Variants in STRN observed in about 807,000 individuals in gnomAD.
STRN encodes the protein protein phosphatase 2 regulatory subunit B'''alpha.
In STRN, 53 loss-of-function variants were observed where a neutral mutation model predicts 96.3. That is an observed-to-expected ratio of 0.55 (90% confidence interval 0.44 to 0.69). The LOEUF is 0.69. Among genes scored for constraint, STRN ranks in the 30% least tolerant of loss-of-function variants. The pLI, the probability that STRN is intolerant of heterozygous loss-of-function variation, is 0.00. For missense variants in STRN, 987 were observed against 963.9 expected, an observed-to-expected ratio of 1.02 and a Z score of -0.32; for synonymous variants, 428 against 355.9, an observed-to-expected ratio of 1.20 and a Z score of -2.28.
At chr2:36,919,974 T>G (rs917507210) in intron 2 of STRN, among the ~76,000 whole-genome samples, 2 of 152,200 alleles carry the variant, frequency 1.3e-5, no homozygotes, top group African/African-American at 4.8e-5. Flanking sequence ...ATATTAATAA[T>G]TCGGTTTTAC....
chr2:36,950,146 A>AT (rs1362161539), intron 1 of STRN, among the ~76,000 whole-genome samples: 1 of 151,944 alleles, frequency 6.6e-6, no homozygotes, highest in African/African-American at 2.4e-5. Context: ...CAGGATGGCA[A>AT]TACTAATAGA....
chr2:36,964,276 T>G (rs1416222133), intron 1 of STRN, among the ~76,000 whole-genome samples: 2 of 151,364 alleles, frequency 1.3e-5, no homozygotes, highest in South Asian at 2.1e-4. Flanking sequence ...GTTTTTGTTT[T>G]TTTTTTTTTA....
chr2:36,962,742 C>T (rs1309189310), intron 1 of STRN, among the ~76,000 whole-genome samples: 2 of 152,154 alleles, frequency 1.3e-5, no homozygotes, highest in Admixed American at 1.3e-4. Flanking sequence ...ATCTTGACCT[C>T]ACGATCCGCC....
chr2:36,949,996 C>A (rs561736627), intron 1 of STRN, among the ~76,000 whole-genome samples: 8 of 151,836 alleles, frequency 5.3e-5, no homozygotes, highest in African/African-American at 1.9e-4. Flanking sequence ...TCACAAGAGA[C>A]TGAGAAATGA....
intron 1 of STRN, among the ~76,000 whole-genome samples, chr2:36,938,755 TTTGTGA>T (rs1670768654): frequency 6.6e-6 from 1 of 152,184 alleles, no homozygotes; most frequent in Non-Finnish European, 1.5e-5. Context: ...TAATGACAAT[TTTGTGA>T]TTTTTCATGT....
chr2:36,957,872 C>A (rs1363544178), intron 1 of STRN, among the ~76,000 whole-genome samples: 3 of 144,528 alleles, frequency 2.1e-5, no homozygotes, highest in Non-Finnish European at 4.5e-5. Context: ...TGCCTCAGCC[C>A]CCCGAGTAGC....
At chr2:36,930,408 G>C (rs1260861060) in intron 1 of STRN, among the ~76,000 whole-genome samples, 1 of 150,876 alleles carries the variant, frequency 6.6e-6, no homozygotes, top group Non-Finnish European at 1.5e-5. Flanking sequence ...CTCCAGAATG[G>C]GCAACAGAGC....
intron 9 of STRN, among the ~76,000 whole-genome samples, chr2:36,882,921 C>G (rs1320292377): frequency 1.3e-5 from 2 of 152,142 alleles, no homozygotes; most frequent in Non-Finnish European, 2.9e-5. Context: ...ACAGATAAAT[C>G]AGACCTTGTG....
intron 4 of STRN, among the ~76,000 whole-genome samples, chr2:36,903,908 C>G (rs951592462): frequency 1.3e-5 from 2 of 152,144 alleles, no homozygotes; most frequent in African/African-American, 4.8e-5. Context: ...TTGAGACATA[C>G]CTCACTTTGG....
intron 9 of STRN, among the ~76,000 whole-genome samples, chr2:36,879,116 G>C (rs1669000058): frequency 6.6e-6 from 1 of 151,622 alleles, no homozygotes; most frequent in African/African-American, 2.4e-5. Context: ...TATGGCCCAG[G>C]CTGGAGTGCA....
At chr2:36,900,072 A>T (rs1452448110) in intron 5 of STRN, among the ~76,000 whole-genome samples, 1 of 152,120 alleles carries the variant, frequency 6.6e-6, no homozygotes, top group Non-Finnish European at 1.5e-5. Context: ...TATTTTCAGT[A>T]GAGATGGGGT....
At chr2:36,892,896 T>G (rs575135244) in intron 7 of STRN, among the ~76,000 whole-genome samples, 1 of 152,088 alleles carries the variant, frequency 6.6e-6, no homozygotes, top group South Asian at 2.1e-4. Flanking sequence ...TGGCGCACAC[T>G]GTAGTCCCAG....
At chr2:36,958,437 G>T (rs1042473477) in intron 1 of STRN, among the ~76,000 whole-genome samples, 2 of 152,138 alleles carry the variant, frequency 1.3e-5, no homozygotes, top group African/African-American at 4.8e-5. Flanking sequence ...GCAGAGAACA[G>T]AACAATATTT....
chr2:36,871,878 T>C (rs1294637353), intron 10 of STRN, among the ~76,000 whole-genome samples: 3 of 151,896 alleles, frequency 2.0e-5, no homozygotes, highest in Middle Eastern at 3.4e-3. Flanking sequence ...ATAAAACATC[T>C]GCAGGAAAAA....
At position 36,839,572 on chromosome 2, in the gene STRN, C is replaced by A. The variant is rs1371587569; in HGVS notation, c.*9884G>T. Among the ~76,000 whole-genome samples the A allele has an allele frequency of 6.6e-6, 1 of 152,118 alleles. No homozygotes were observed. Among genetic ancestry groups the A allele is most frequent in the Admixed American group, 6.5e-5 (1 of 15,270 alleles). On this transcript the variant is annotated 3_prime_UTR_variant, in exon 18 of 18. Transcript: ENST00000263918. Reference sequence around the variant, plus strand: ...TTTTACATCCGTTATCTCAAATCAACCTAATTAGGCAGATCTATTATCCCC... The same window carrying A: ...TTTTACATCCGTTATCTCAAATCAAACTAATTAGGCAGATCTATTATCCCC...
At chr2:36,894,885 T>A (rs549090920) in intron 6 of STRN, among the ~76,000 whole-genome samples, 2 of 152,138 alleles carry the variant, frequency 1.3e-5, no homozygotes, top group Admixed American at 6.6e-5. Context: ...TTGGTATCAT[T>A]CATCAATCAC....
At position 36,902,656 on chromosome 2, in the gene STRN, C is replaced by G. The variant is rs140505552; in HGVS notation, c.587G>C (p.Arg196Thr). The G allele has an allele frequency of 1.2e-5, 19 of 1,612,308 alleles. No individual in the cohort carries two copies. In the East Asian group the frequency reaches 4.2e-4, roughly 36 times the overall value. Residue 196 changes from arginine (R) to threonine (T), a missense_variant, in exon 5 of 18, where the codon AGG becomes ACG. By Grantham distance (71) the Arg-to-Thr change is moderately conservative. Coordinates refer to ENST00000263918, the MANE Select transcript of STRN (RefSeq NM_003162.4). ...LLGFSSDVTD[R>T]EDDKNQDSVV... The stretch of plus-strand genomic sequence containing the variant: ...TGAGTCCTGATTTTTGTCATCTTCC[C>G]TGTCCGTGACATCACTTGAAAAGCC...
chr2:36,930,346 T>G (rs936198193), intron 1 of STRN, among the ~76,000 whole-genome samples: 1 of 151,674 alleles, frequency 6.6e-6, no homozygotes, highest in African/African-American at 2.4e-5. Context: ...ACAGGAAAAT[T>G]GCTTGAACCT....
chr2:36,890,350 C>G (rs955138955), intron 7 of STRN, among the ~76,000 whole-genome samples: 4 of 151,934 alleles, frequency 2.6e-5, no homozygotes, highest in Non-Finnish European at 5.9e-5. Context: ...TCATTGGTAC[C>G]ATGACAGAGT....
Sources: allele counts gnomAD v4.1 joint callset (sites outside exome capture counted in the v4.1 genomes callset), GRCh38; gene constraint gnomAD v4.1.1; transcripts MANE v1.5; gene names NCBI Gene and HGNC (gene_info 2026-07-23, HGNC 2026-07-21).